IDH3G: variants seen among roughly 807,000 people sequenced by gnomAD.
The protein encoded by IDH3G is isocitrate dehydrogenase (NAD(+)) 3 non-catalytic subunit gamma.
A neutral mutation model predicts 26.9 loss-of-function variants in IDH3G; 9 were observed. The observed-to-expected ratio is 0.34, with a 90% CI of 0.20 to 0.58. The LOEUF is 0.58. Among genes scored for constraint, IDH3G ranks in the 20% least tolerant of loss-of-function variants. The pLI is 0.85. For missense variants in IDH3G, 250 were observed against 372.8 expected (o/e 0.67, Z 2.71); for synonymous variants, 181 against 160.0 (o/e 1.13, Z -0.99).
rs781982827 is a variant in IDH3G, at chrX:153,788,155, C to G, written c.347-20G>C. ...TGTTGCCTACAAAACACAACACAGG[C>G]TTAGTGGCACTGCCCATCCCCGCCC... On this transcript the variant is annotated intron_variant, in intron 5 of 12. Coordinates refer to ENST00000217901, the MANE Select transcript of IDH3G (RefSeq NM_004135.4). 2.5e-6 allele frequency: 3 copies of G among 1,204,351 alleles called. No individual in the cohort carries two copies. In the African/African-American group the frequency reaches 5.2e-5, roughly 21 times the overall value.
chrX:153,790,923 C>A (rs1387068014), intron 1 of IDH3G, 72 bp from the exon 2 acceptor site: 3 of 999,843 alleles, frequency 3.0e-6, no homozygotes, highest in East Asian at 6.1e-5. Context: ...GAAAAACGGA[C>A]CGTCCCCACT....
chrX:153,789,104 C>T (rs2092099576), intron 5 of IDH3G: 1 of 340,911 alleles, frequency 2.9e-6, no homozygotes, highest in Non-Finnish European at 5.9e-6. Flanking sequence ...TCACACACAG[C>T]TGCTCTCACT....
chrX:153,794,175 G>A (rs2092122625), intron 1 of IDH3G, 71 bp downstream of exon 1: 2 of 1,089,339 alleles, frequency 1.8e-6, no homozygotes, highest in Non-Finnish European at 2.4e-6. Flanking sequence ...ACTCCAGACT[G>A]CTTCGGGTGC....
At position 153,789,758 on chromosome X, in the gene IDH3G, A is replaced by G. The variant is rs1603255751; in HGVS notation, c.300T>C (p.Ile100=). 8.3e-7 allele frequency: 1 copy of G among 1,207,138 alleles called. No individual in the cohort carries two copies. Among genetic ancestry groups the G allele is most frequent in the South Asian group, 1.8e-5 (1 of 56,105 alleles). The change falls in exon 5 of 13, where the codon ATT becomes ATC. Residue 100 remains isoleucine, a synonymous_variant. Transcript: ENST00000217901. ...GGCGGATGGCCATGATGGCATTGCG[A>G]ATGTCCTCTTCATCAGCATTGGAAC... ...HVSSNADEED[I]RNAIMAIRRN...
chrX:153,786,225 A>G lies in IDH3G; in HGVS notation c.1067T>C (p.Met356Thr), dbSNP rs782077178. The change falls in exon 12 of 13, where the codon ATG becomes ACG. Residue 356 changes from methionine to threonine, a missense_variant. Transcript: ENST00000217901. ...TSIRKAVLAS[M>T]DNENMHTPDI... ...GGGGAACCTCACATTCTCATTGTCC[A>G]TGGATGCCAGGACAGCCTTACGGAT... 21 of 1,207,063 alleles carry G rather than the reference A, an allele frequency of 1.7e-5. No individual in the cohort carries two copies. The highest frequency in any genetic ancestry group is 2.2e-5 in the Non-Finnish European group (20 of 892,831).
intron 10 of IDH3G, 108 bp downstream of exon 10, chrX:153,786,690 AACT>A: frequency 6.4e-6 from 6 of 937,154 alleles, no homozygotes; most frequent in South Asian, 2.3e-5. Context: ...ATATCCAAAA[AACT>A]ACTAAATCAT....
chrX:153,791,143 T>C (rs2092108194), intron 1 of IDH3G: 1 of 329,791 alleles, frequency 3.0e-6, no homozygotes, highest in African/African-American at 2.6e-5. Flanking sequence ...TCTGATTATT[T>C]TTTTGGCCAG....
At position 153,794,302 on chromosome X, in the gene IDH3G, C is replaced by A. The variant is rs1557071385; in HGVS notation, c.25G>T (p.Ala9Ser). Residue 9 changes from alanine to serine, a missense_variant, in exon 1 of 13, where the codon GCC (alanine) becomes TCC (serine). Around this residue, in one of 2 missense-constraint regions of IDH3G, gnomAD observed 49 missense variants for 41.5 expected, o/e 1.18. Transcript: ENST00000217901. MALKVATV[A>S]GSAAKAVLGP... ...AGCACCGCCTTCGCGGCGCTGCCGG[C>A]GACGGTCGCTACCTTCAGCGCCATG... 1 of 1,198,669 alleles carries A rather than the reference C, an allele frequency of 8.3e-7. No individual in the cohort carries two copies. Among genetic ancestry groups the A allele is most frequent in the South Asian group, 1.8e-5 (1 of 56,238 alleles).
Position 153,785,810 on chromosome X carries a change from G to C in IDH3G, c.*62C>G. On this transcript the variant is annotated 3_prime_UTR_variant, in exon 13 of 13. Transcript: ENST00000217901. Reference sequence around the variant, plus strand: ...ATTCTGGGATCTGCGTACCAGGCTGGCTGGGGTGCTGGAGTGGGAAGGGGA... The same window carrying C: ...ATTCTGGGATCTGCGTACCAGGCTGCCTGGGGTGCTGGAGTGGGAAGGGGA... 2 of 1,149,614 alleles carry C rather than the reference G, an allele frequency of 1.7e-6. No individual in the cohort carries two copies. Among genetic ancestry groups the C allele is most frequent in the African/African-American group, 3.5e-5 (2 of 56,781 alleles). The allele number at this position is 1,149,614 out of a possible 1,213,427, so 94.7% of individuals were successfully genotyped here.
At chrX:153,790,156 C>T in intron 4 of IDH3G, 39 bp downstream of exon 4, 1 of 1,105,775 alleles carries the variant, frequency 9.0e-7, no homozygotes, top group Non-Finnish European at 1.3e-6. Context: ...CTCAGGGCCC[C>T]CTGGCTGAGG....
chrX:153,790,570 T>C lies in IDH3G; in HGVS notation c.129A>G (p.Gln43=). The C allele has an allele frequency of 8.3e-7, 1 of 1,208,512 alleles. No individual in the cohort carries two copies. The highest frequency in any genetic ancestry group is 1.1e-6 in the Non-Finnish European group (1 of 892,854). Residue 43 remains glutamine (Q), a synonymous_variant, in exon 3 of 13, where the codon CAA becomes CAG. Coordinates refer to ENST00000217901, the MANE Select transcript of IDH3G (RefSeq NM_004135.4). Reference sequence around the variant, plus strand: ...GGCAGAGAAGAATACTCACAATTGTTTGTTCCTAGAAAGGATGAGAAAGGA... The same window carrying C: ...GGCAGAGAAGAATACTCACAATTGTCTGTTCCTAGAAAGGATGAGAAAGGA... ...EVPSRNIFSE[Q]TIPPSAKYGG...
In IDH3G at chrX:153,787,688, A is replaced by G. The variant is rs782819401; in HGVS notation, c.541-91T>C. ...GCGCGACCGGGCCACCGTGGGAAGCAACCCTGTCTGCCTATTTCTGGCTTC... is the reference window on the plus strand; with the variant it reads ...GCGCGACCGGGCCACCGTGGGAAGCGACCCTGTCTGCCTATTTCTGGCTTC... On this transcript the variant is annotated intron_variant, in intron 7 of 12. Coordinates refer to ENST00000217901, the MANE Select transcript of IDH3G (RefSeq NM_004135.4). 1.3e-4 allele frequency: 150 copies of G among 1,144,423 alleles called. 1 individual carries two copies. The South Asian group carries it at 2.5e-3, about 19-fold the overall frequency. 94.3% of individuals were successfully genotyped at this position (1,144,423 alleles called of 1,213,427 possible).
intron 5 of IDH3G, 54 bp downstream of exon 5, chrX:153,789,658 C>G (rs2092102000): frequency 1.4e-6 from 1 of 699,027 alleles, no homozygotes; most frequent in Non-Finnish European, 2.2e-6. Flanking sequence ...AGGAAGAAAG[C>G]AAGAAAGAAA....
chrX:153,790,121 G>A (rs1233868669), intron 4 of IDH3G, 74 bp downstream of exon 4: 10 of 862,149 alleles, frequency 1.2e-5, no homozygotes, highest in East Asian at 3.1e-5. Flanking sequence ...GCTTCTGGGC[G>A]CAATGCCCCT....
chrX:153,792,006 T>C (rs782528259), intron 1 of IDH3G, among the ~76,000 whole-genome samples: 14 of 112,293 alleles, frequency 1.2e-4, no homozygotes, highest in Non-Finnish European at 2.3e-4. Flanking sequence ...CTCTAGCGCT[T>C]ATCAACATCT....
chrX:153,787,462 A>G lies in IDH3G; in HGVS notation c.674+2T>C, dbSNP rs1214358346. The G allele has an allele frequency of 1.7e-6, 2 of 1,209,689 alleles. No individual in the cohort carries two copies. Among genetic ancestry groups the G allele is most frequent in the Non-Finnish European group, 1.1e-6 (1 of 894,923 alleles). On this transcript the variant is annotated splice_donor_variant, in intron 8 of 12. Coordinates refer to ENST00000217901, the MANE Select transcript of IDH3G (RefSeq NM_004135.4). LOFTEE classifies it high-confidence loss of function. ...TGCTCGCAGAGAGGTCAGGGGACAT[A>G]CATGATGTTGGCCTTGTGCACGGCC...
intron 1 of IDH3G, 154 bp from the exon 2 acceptor site, chrX:153,791,005 G>T: frequency 4.2e-6 from 2 of 474,514 alleles, no homozygotes; most frequent in Admixed American, 7.4e-5. Context: ...TAGCTCCAAA[G>T]CCTCAGTCCC....
At chrX:153,786,145 C>T (rs782665219) in intron 12 of IDH3G, 67 bp downstream of exon 12, 11 of 1,199,826 alleles carry the variant, frequency 9.2e-6, no homozygotes, top group African/African-American at 7.0e-5. Context: ...GTGCATGAGG[C>T]GGGCTACAGG....
Position 153,790,545 on chromosome X carries a change from G to A in IDH3G, c.135+19C>T. On this transcript the variant is annotated intron_variant, in intron 3 of 12. Transcript: ENST00000217901. ...AACTAAGAGCCCCCCAAACCTAACA[G>A]GCAGAGAAGAATACTCACAATTGTT... 1.7e-6 allele frequency: 2 copies of A among 1,202,039 alleles called. No homozygotes were observed. The highest frequency in any genetic ancestry group is 2.3e-6 in the Non-Finnish European group (2 of 887,035).
Sources: allele counts gnomAD v4.1 joint callset (sites outside exome capture counted in the v4.1 genomes callset), GRCh38; gene constraint gnomAD v4.1.1; regional missense constraint gnomAD v4.1.1; transcripts MANE v1.5; gene names NCBI Gene and HGNC (gene_info 2026-07-23, HGNC 2026-07-21).